The following IFT43 variants were observed in gnomAD, a reference collection of about 807,000 sequenced individuals.
IFT43 encodes intraflagellar transport protein 43 homolog.
In IFT43, 33 loss-of-function variants were observed where a neutral mutation model predicts 32.3. The observed-to-expected ratio is 1.02, with a 90% confidence interval of 0.77 to 1.37. IFT43 has a LOEUF of 1.37. Ranked by LOEUF, IFT43 falls within the 40% of genes most tolerant of loss-of-function variation. The pLI is 0.00. For missense variants in IFT43, 274 were observed against 265.9 expected (o/e 1.03, Z -0.21); for synonymous variants, 93 against 98.2 (o/e 0.95, Z 0.31).
intron 3 of IFT43, among the ~76,000 whole-genome samples, chr14:76,045,403 A>G (rs926209941): frequency 2.0e-5 from 3 of 152,188 alleles, no homozygotes; most frequent in Non-Finnish European, 4.4e-5. Context: ...TGCTTTTTCC[A>G]TAGGATTTGT....
At chr14:76,031,866 C>T (rs530719052) in intron 3 of IFT43, among the ~76,000 whole-genome samples, 1 of 152,264 alleles carries the variant, frequency 6.6e-6, no homozygotes, top group Non-Finnish European at 1.5e-5. Context: ...TCTCTGTCAA[C>T]ACTCACTTTC....
intron 5 of IFT43, among the ~76,000 whole-genome samples, chr14:76,080,895 A>C (rs1279065250): frequency 6.6e-6 from 1 of 152,170 alleles, no homozygotes; most frequent in Non-Finnish European, 1.5e-5. Context: ...AGACTTGCTA[A>C]ATGTGGTTCA....
rs148709626 is a variant in IFT43 at position 76,045,655 on chromosome 14, G to T, written c.216-12987G>T. Among the ~76,000 whole-genome samples the T allele has an allele frequency of 5.4e-3, 822 of 152,276 alleles. 7 individuals are homozygous for T. The highest frequency in any genetic ancestry group is 0.051 in the Middle Eastern group (15 of 294). The stretch of plus-strand genomic sequence containing the variant: ...CGTGTGGGCCTTTGTCACCATGCTC[G>T]TGCCTCCTGGTTGTGGGATGGCTGC... On this transcript the variant is annotated intron_variant, in intron 3 of 8. Transcript: ENST00000314067.
downstream of IFT43, chr14:76,083,881 G>T (rs1181857762): frequency 1.9e-6 from 1 of 531,808 alleles, no homozygotes; most frequent in African/African-American, 1.9e-5. Context: ...AGGCGGAGAA[G>T]GAGTGGGCAC....
intron 5 of IFT43, 55 bp from the exon 6 acceptor site, chr14:76,082,240 C>T (rs1265396494): frequency 4.6e-6 from 7 of 1,511,102 alleles, no homozygotes; most frequent in East Asian, 2.2e-5. Context: ...AGTGGAGAAG[C>T]AGGCACAATC....
intron 3 of IFT43, among the ~76,000 whole-genome samples, chr14:76,041,217 T>C (rs183762648): frequency 1.6e-4 from 25 of 152,350 alleles, no homozygotes; most frequent in Non-Finnish European, 3.7e-4. Context: ...AGTTCTAGTT[T>C]TGCAGAAATG....
At chr14:76,075,289 G>A (rs1275461239) in intron 5 of IFT43, among the ~76,000 whole-genome samples, 1 of 152,170 alleles carries the variant, frequency 6.6e-6, no homozygotes, top group African/African-American at 2.4e-5. Context: ...CTCTAATCAG[G>A]TGAAATCACA....
rs188842310 is a variant in IFT43 at position 76,021,074 on chromosome 14, C to T, written c.148-1253C>T. On this transcript the variant is annotated intron_variant, in intron 2 of 8. Coordinates refer to ENST00000314067, the MANE Select transcript of IFT43 (RefSeq NM_001102564.3). ...CCTTTAGACCCCAGAAAATGTGCAC[C>T]AGTGGTGGTGGGCAGGGTGGATCCA... is the stretch of plus-strand genomic sequence containing the variant. Among the ~76,000 whole-genome samples the T allele has an allele frequency of 1.5e-3, 234 of 152,094 alleles. 4 individuals carry two copies. In the South Asian group the frequency reaches 0.018, roughly 12 times the overall value.
At chr14:76,083,885 T>G (rs1412221206), downstream of IFT43, 2 of 523,318 alleles carry the variant, frequency 3.8e-6, no homozygotes, top group East Asian at 9.8e-5. Context: ...GGAGAAGGAG[T>G]GGGCACTCCT....
At chr14:75,989,084 C>T (rs957950837) in intron 2 of IFT43, 107 bp downstream of exon 2, 1 of 1,333,772 alleles carries the variant, frequency 7.5e-7, no homozygotes, top group African/African-American at 1.4e-5. Flanking sequence ...GAATGCCAAC[C>T]CTTTCTCCTG....
intron 1 of IFT43, chr14:75,986,131 C>T (rs1181343677): frequency 1.4e-6 from 2 of 1,393,010 alleles, no homozygotes; most frequent in African/African-American, 2.9e-5. Context: ...TCTAGAGCCC[C>T]GAGTGCGAAC....
chr14:76,050,743 A>T (rs1176034900), intron 3 of IFT43, among the ~76,000 whole-genome samples: 1 of 152,066 alleles, frequency 6.6e-6, no homozygotes, highest in Non-Finnish European at 1.5e-5. Context: ...CCAATTCCCA[A>T]CACCTCTCAC....
intron 2 of IFT43, among the ~76,000 whole-genome samples, chr14:75,991,924 G>A (rs948060326): frequency 1.3e-5 from 2 of 152,124 alleles, no homozygotes; most frequent in Non-Finnish European, 2.9e-5. Context: ...CTTTTTGGCT[G>A]TTTCTTTCTA....
At chr14:76,040,497 G>A (rs768497135) in intron 3 of IFT43, among the ~76,000 whole-genome samples, 3 of 152,156 alleles carry the variant, frequency 2.0e-5, no homozygotes, top group Non-Finnish European at 4.4e-5. Context: ...TTGAGGATTT[G>A]GGTGAGCACT....
intron 5 of IFT43, among the ~76,000 whole-genome samples, chr14:76,076,406 G>C (rs1386166552): frequency 6.6e-6 from 1 of 152,190 alleles, no homozygotes; most frequent in Non-Finnish European, 1.5e-5. Flanking sequence ...AAGAGTTAAG[G>C]GTTACAGAGA....
intron 7 of IFT43, 51 bp downstream of exon 7, chr14:76,082,743 C>T: frequency 7.7e-7 from 1 of 1,305,488 alleles, no homozygotes; most frequent in Non-Finnish European, 1.1e-6. Context: ...CAATGGGCTT[C>T]AATCCGTAGA....
At chr14:76,083,866 G>A (rs542140742), downstream of IFT43, 5 of 555,486 alleles carry the variant, frequency 9.0e-6, no homozygotes, top group Non-Finnish European at 1.7e-5. Context: ...GGGAGAGTTC[G>A]ATTCAGGCGG....
chr14:76,059,454 G>A, intron 5 of IFT43, 81 bp downstream of exon 5: 2 of 1,335,030 alleles, frequency 1.5e-6, no homozygotes, highest in Non-Finnish European at 2.2e-6. Flanking sequence ...AGGCACTGTT[G>A]GCTGCAGCAT....
chr14:76,007,870 T>G (rs1192804918), intron 2 of IFT43, among the ~76,000 whole-genome samples: 5 of 152,106 alleles, frequency 3.3e-5, no homozygotes, highest in Admixed American at 3.3e-4. Context: ...AAGGATGTAA[T>G]TGAGATTAAG....
Sources: gnomAD v4.1 joint callset for allele counts (sites outside exome capture counted in the v4.1 genomes callset) on GRCh38, gnomAD v4.1.1 for gene constraint, MANE v1.5 for transcripts, NCBI Gene and HGNC (gene_info 2026-07-23, HGNC 2026-07-21) for gene names.